DAB1: variants seen among roughly 807,000 people sequenced by gnomAD.
The protein encoded by DAB1 is DAB adaptor protein 1, also known as disabled homolog 1.
DAB1 carries 15 observed loss-of-function variants against 64.6 expected under a neutral mutation model. That is an observed-to-expected ratio of 0.23 (90% CI 0.16 to 0.36). DAB1 has a LOEUF of 0.36. Ranked by LOEUF, DAB1 falls within the 10% of genes least tolerant of loss-of-function variation. The pLI is 1.00. For synonymous variants in DAB1, 235 were observed against 251.9 expected (o/e 0.93, Z 0.64); for missense variants, 596 against 706.7 (o/e 0.84, Z 1.78).
intron 6 of DAB1, among the ~76,000 whole-genome samples, chr1:57,802,439 G>A (rs1180017787): frequency 6.6e-6 from 1 of 152,194 alleles, no homozygotes; most frequent in Admixed American, 6.5e-5. Context: ...GGAGTGGACA[G>A]AGGGAGAAGT....
At chr1:58,465,975 AG>A (rs1219547629) in intron 3 of DAB1, among the ~76,000 whole-genome samples, 4 of 152,180 alleles carry the variant, frequency 2.6e-5, no homozygotes, top group Non-Finnish European at 5.9e-5. Flanking sequence ...AGCAGAAGCC[AG>A]ATGTGCAGGG....
At chr1:58,159,128 A>C (rs758731671) in intron 4 of DAB1, among the ~76,000 whole-genome samples, 5 of 152,180 alleles carry the variant, frequency 3.3e-5, no homozygotes, top group Non-Finnish European at 5.9e-5. Flanking sequence ...TGTCTTCAAC[A>C]TTTAATAGCT....
chr1:57,398,497 G>A (rs1682990411), intron 1 of DAB1, among the ~76,000 whole-genome samples: 1 of 152,140 alleles, frequency 6.6e-6, no homozygotes, highest in Non-Finnish European at 1.5e-5. Flanking sequence ...TTATTTGTTT[G>A]TTTGTTTCGG....
chr1:57,293,053 G>GA (rs1672908559), intron 1 of DAB1, among the ~76,000 whole-genome samples: 1 of 152,158 alleles, frequency 6.6e-6, no homozygotes, highest in African/African-American at 2.4e-5. Flanking sequence ...ATGAATGAGT[G>GA]GTTGTCTCAG....
At chr1:57,803,198 G>A (rs1163301395) in intron 6 of DAB1, among the ~76,000 whole-genome samples, 1 of 152,176 alleles carries the variant, frequency 6.6e-6, no homozygotes, top group African/African-American at 2.4e-5. Context: ...AAATTTACAA[G>A]GATGCCACAT....
chr1:57,624,896 T>C (rs543100999), intron 7 of DAB1, among the ~76,000 whole-genome samples: 8 of 152,328 alleles, frequency 5.3e-5, no homozygotes, highest in Non-Finnish European at 1.0e-4. Flanking sequence ...TTTTGTAAGG[T>C]TAAATACATA....
In DAB1 at chr1:58,192,027, G is replaced by A. The variant is rs184952912; in HGVS notation, n.310-41439C>T. 5.9e-5 allele frequency among the ~76,000 whole-genome samples: 9 copies of A among 152,300 alleles called. No individual in the cohort carries two copies. In the East Asian group the frequency reaches 1.7e-3, roughly 29 times the overall value. ...TTATTATTCCCATTTTACAGCTGAA[G>A]GACCTCAGGCATTTAAAAGGAAGAT... is the stretch of plus-strand genomic sequence containing the variant. On this transcript the variant is annotated intron_variant and non_coding_transcript_variant, in intron 4 of 20. Transcript: ENST00000485760.
chr1:58,272,654 G>T (rs1014499251), intron 4 of DAB1, among the ~76,000 whole-genome samples: 1 of 145,104 alleles, frequency 6.9e-6, no homozygotes, highest in African/African-American at 2.6e-5. Flanking sequence ...TAATGCGTGG[G>T]AGTCTAAGTC....
intron 7 of DAB1, among the ~76,000 whole-genome samples, chr1:57,482,994 A>G (rs917972331): frequency 6.6e-6 from 1 of 152,238 alleles, no homozygotes; most frequent in African/African-American, 2.4e-5. Flanking sequence ...ATTTGAACAC[A>G]TATTACATGA....
At chr1:58,440,689 G>A (rs959586628) in intron 3 of DAB1, among the ~76,000 whole-genome samples, 3 of 152,190 alleles carry the variant, frequency 2.0e-5, no homozygotes, top group African/African-American at 4.8e-5. Context: ...CTCACTAAGT[G>A]GCAGGCATTG....
intron 1 of DAB1, among the ~76,000 whole-genome samples, chr1:57,852,763 A>G (rs760516835): frequency 1.4e-4 from 22 of 152,178 alleles, no homozygotes; most frequent in Non-Finnish European, 2.8e-4. Flanking sequence ...TTTCTCATTT[A>G]CATTTATTAT....
chr1:57,655,691 A>G (rs1015475572), intron 6 of DAB1, among the ~76,000 whole-genome samples: 1 of 152,248 alleles, frequency 6.6e-6, no homozygotes, highest in African/African-American at 2.4e-5. Flanking sequence ...AAACAGGGAA[A>G]GGGGATCTGG....
intron 4 of DAB1, among the ~76,000 whole-genome samples, chr1:57,078,596 A>G (rs906266059): frequency 1.3e-5 from 2 of 152,232 alleles, no homozygotes; most frequent in Admixed American, 6.5e-5. Flanking sequence ...TACATGTAAC[A>G]TAAGTATGAT....
At chr1:58,448,698 G>T (rs1012732967) in intron 3 of DAB1, among the ~76,000 whole-genome samples, 5 of 152,206 alleles carry the variant, frequency 3.3e-5, no homozygotes, top group African/African-American at 4.8e-5. Context: ...CACAAGAGAT[G>T]ACTATAACTA....
chr1:57,502,131 T>C (rs1570577628), intron 7 of DAB1, among the ~76,000 whole-genome samples: 1 of 151,884 alleles, frequency 6.6e-6, no homozygotes, highest in East Asian at 1.9e-4. Context: ...CCATCCTGGC[T>C]AACACGGTGA....
In DAB1 at chr1:58,406,622, C is replaced by G. The variant is rs114248112; in HGVS notation, n.258-63219G>C. ...AGTTGGCCCAGGGCTCTTCAGGAGACGTAGCCTTCAAGGTCAGTTCCTCTG... is the reference window on the plus strand; with the variant it reads ...AGTTGGCCCAGGGCTCTTCAGGAGAGGTAGCCTTCAAGGTCAGTTCCTCTG... On this transcript the variant is annotated intron_variant and non_coding_transcript_variant, in intron 3 of 20. Transcript: ENST00000485760. 5.9e-3 allele frequency among the ~76,000 whole-genome samples: 891 copies of G among 152,252 alleles called. 10 individuals are homozygous for G. Among genetic ancestry groups the G allele is most frequent in the African/African-American group, 0.021 (855 of 41,532 alleles).
At chr1:57,260,586 A>G (rs771842374) in intron 2 of DAB1, among the ~76,000 whole-genome samples, 3 of 152,046 alleles carry the variant, frequency 2.0e-5, no homozygotes, top group Non-Finnish European at 4.4e-5. Context: ...CATGACACAA[A>G]CCCCACAGAT....
At chr1:57,942,520 A>G (rs1181224080) in intron 5 of DAB1, among the ~76,000 whole-genome samples, 2 of 152,294 alleles carry the variant, frequency 1.3e-5, no homozygotes, top group Non-Finnish European at 1.5e-5. Flanking sequence ...TCTTGTATCT[A>G]TGAATCTGAC....
chr1:58,184,930 T>C (rs559516246), intron 4 of DAB1, among the ~76,000 whole-genome samples: 1 of 152,124 alleles, frequency 6.6e-6, no homozygotes, highest in Non-Finnish European at 1.5e-5. Context: ...AATATGTGTC[T>C]AAGGGAACAG....
Sources: allele counts gnomAD v4.1 joint callset (sites outside exome capture counted in the v4.1 genomes callset), GRCh38; gene constraint gnomAD v4.1.1; transcripts MANE v1.5; gene names NCBI Gene and HGNC (gene_info 2026-07-23, HGNC 2026-07-21).